TLL1: variants seen among roughly 807,000 people sequenced by gnomAD.
The protein encoded by TLL1 is tolloid like 1.
A neutral mutation model predicts 128.2 loss-of-function variants in TLL1; 49 were observed. The observed-to-expected ratio is 0.38, with a 90% CI of 0.30 to 0.48. The LOEUF (loss-of-function observed/expected upper bound fraction) is 0.48. Among genes scored for constraint, TLL1 ranks in the 20% least tolerant of loss-of-function variants. The probability of loss-of-function intolerance (pLI) is 0.96; values close to 1 mark genes in which losing one functional copy is unlikely to be tolerated. For synonymous variants in TLL1, 454 were observed against 418.8 expected (o/e 1.08, Z -1.03); for missense variants, 1,123 against 1,242.0 (o/e 0.90, Z 1.44).
chr4:165,912,260 G>A (rs1219381446), intron 1 of TLL1, among the ~76,000 whole-genome samples: 1 of 152,114 alleles, frequency 6.6e-6, no homozygotes, highest in Non-Finnish European at 1.5e-5. Flanking sequence ...TTTCCTGACT[G>A]CGTTCCTGGT....
At chr4:166,049,612 A>G (rs552280119) in intron 12 of TLL1, among the ~76,000 whole-genome samples, 2 of 148,880 alleles carry the variant, frequency 1.3e-5, no homozygotes, top group African/African-American at 5.0e-5. Flanking sequence ...TGCTTTTAAC[A>G]TGTTTGAACT....
chr4:166,088,597 C>G (rs888750327), intron 18 of TLL1, among the ~76,000 whole-genome samples: 5 of 152,002 alleles, frequency 3.3e-5, no homozygotes, highest in African/African-American at 1.2e-4. Context: ...GGCATTTGAC[C>G]TAACAAGTTG....
In TLL1 at chr4:166,030,792, T is replaced by C. The variant is rs962105135; in HGVS notation, c.1158+5361T>C. ...TGTTTCTGACTTCTATTATGGCTTA[T>C]TTTGGTCCTGCCTATAGCTTACATT... On this transcript the variant is annotated intron_variant, in intron 9 of 20. Coordinates refer to ENST00000061240, the MANE Select transcript of TLL1 (RefSeq NM_012464.5). 7 of 1,077,342 alleles carry C rather than the reference T, an allele frequency of 6.5e-6. No homozygotes were observed. In the African/African-American group the frequency reaches 6.6e-5, roughly 10 times the overall value. 66.7% of individuals were successfully genotyped at this position (1,077,342 alleles called of 1,614,324 possible).
Position 165,965,084 on chromosome 4 carries a change from T to C in TLL1, c.170-24297T>C, listed in dbSNP as rs547570879. Reference sequence around the variant, plus strand: ...TGTTGATTGATGTTATCTGGTTATGTTCAAATCATTTAGATTTCAAAAACT... The same window carrying C: ...TGTTGATTGATGTTATCTGGTTATGCTCAAATCATTTAGATTTCAAAAACT... On this transcript the variant is annotated intron_variant, in intron 1 of 20. Transcript: ENST00000061240. Among the ~76,000 whole-genome samples, 5 of 152,322 alleles carry C rather than the reference T, an allele frequency of 3.3e-5. 1 individual carries two copies. The South Asian group carries it at 1.0e-3, about 32-fold the overall frequency.
intron 18 of TLL1, 123 bp downstream of exon 18, chr4:166,078,153 T>A: frequency 6.9e-7 from 1 of 1,452,708 alleles, no homozygotes; most frequent in African/African-American, 1.4e-5. Context: ...GGAAAAGATT[T>A]TTTGTCTCAT....
chr4:166,023,760 A>T (rs1270141275), intron 8 of TLL1, among the ~76,000 whole-genome samples: 1 of 152,180 alleles, frequency 6.6e-6, no homozygotes, highest in African/African-American at 2.4e-5. Flanking sequence ...TTATCTTCTT[A>T]ATCAGAACAG....
At chr4:166,027,902 T>C (rs1373663239) in intron 9 of TLL1, among the ~76,000 whole-genome samples, 2 of 152,136 alleles carry the variant, frequency 1.3e-5, no homozygotes, top group Non-Finnish European at 2.9e-5. Context: ...TATGATTATC[T>C]ATAAAACTAT....
Position 166,003,425 on chromosome 4 carries a change from C to T in TLL1, c.667C>T (p.Pro223Ser). 2.5e-6 allele frequency: 4 copies of T among 1,614,042 alleles called. No homozygotes were observed. Among genetic ancestry groups the T allele is most frequent in the Admixed American group, 1.7e-5 (1 of 60,006 alleles). ...CTATGTAGGTCGGCGAGGAAATGGACCTCAGGCAATCTCTATCGGCAAGAA... is the reference window on the plus strand; with the variant it reads ...CTATGTAGGTCGGCGAGGAAATGGATCTCAGGCAATCTCTATCGGCAAGAA... ...CSYVGRRGNG[P>S]QAISIGKNCD... The change falls in exon 6 of 21, where the codon CCT becomes TCT. Residue 223 changes from proline (P) to serine (S), a missense_variant. Physicochemically the swap from Pro to Ser is moderately conservative, Grantham distance 74. Transcript: ENST00000061240.
At chr4:165,963,552 ATGT>A (rs1735221591) in intron 1 of TLL1, among the ~76,000 whole-genome samples, 1 of 152,294 alleles carries the variant, frequency 6.6e-6, no homozygotes. Flanking sequence ...TTGAACTTAA[ATGT>A]TGTAATTTTA....
intron 18 of TLL1, among the ~76,000 whole-genome samples, chr4:166,082,677 T>C (rs1405298027): frequency 6.6e-6 from 1 of 151,988 alleles, no homozygotes; most frequent in East Asian, 1.9e-4. Flanking sequence ...GTTTTTGTTT[T>C]GTTTCGTTTG....
intron 1 of TLL1, among the ~76,000 whole-genome samples, chr4:165,978,150 T>A (rs943144486): frequency 1.3e-5 from 2 of 152,152 alleles, no homozygotes; most frequent in Admixed American, 1.3e-4. Flanking sequence ...CAAGGCTTAT[T>A]TTACTCAGAT....
In TLL1 at chr4:166,042,259, A is replaced by T. The variant is rs1739271947; in HGVS notation, c.1378+116A>T. On this transcript the variant is annotated intron_variant, in intron 11 of 20. Transcript: ENST00000061240. ...TATTGTAAAATTATGAATTTTTCTG[A>T]ATCTGTATTATAATATTCATACAGA... The T allele has an allele frequency of 6.7e-6, 5 of 743,878 alleles. No individual in the cohort carries two copies. The East Asian group carries it at 1.2e-4, about 18-fold the overall frequency. The allele number at this position is 743,878 out of a possible 1,614,324, so 46.1% of individuals were successfully genotyped here. A position where few individuals can be genotyped will look rare whatever the true frequency, so the allele number is the denominator to read the frequency against.
chr4:165,962,039 TA>T (rs574816256), intron 1 of TLL1, among the ~76,000 whole-genome samples: 4 of 151,916 alleles, frequency 2.6e-5, no homozygotes, highest in East Asian at 1.9e-4. Context: ...GGCTATGTTC[TA>T]AAAAAAATTG....
intron 1 of TLL1, among the ~76,000 whole-genome samples, chr4:165,980,572 G>T (rs1385357896): frequency 6.6e-6 from 1 of 152,102 alleles, no homozygotes; most frequent in African/African-American, 2.4e-5. Flanking sequence ...AGCACCAAAT[G>T]TACAGAACTG....
At chr4:165,898,591 T>C (rs1218773585) in intron 1 of TLL1, among the ~76,000 whole-genome samples, 6 of 152,204 alleles carry the variant, frequency 3.9e-5, no homozygotes, top group Non-Finnish European at 7.3e-5. Flanking sequence ...CACTTGATCA[T>C]GGTGGATGAG....
At chr4:166,032,934 T>C (rs570612954) in intron 9 of TLL1, among the ~76,000 whole-genome samples, 60 of 152,222 alleles carry the variant, frequency 3.9e-4, no homozygotes, top group African/African-American at 1.1e-3. Context: ...CCTGAGAAAG[T>C]AGAAAATTTA....
rs762045076 is a variant in TLL1 at position 166,077,907 on chromosome 4, G to A, written c.2319G>A (p.Glu773=). The stretch of plus-strand genomic sequence containing the variant: ...ATATTATGGTTATTGGTGCAGCTGA[G>A]TGTGAACAGAAGATCCACAGTCCAA... The part of the protein sequence containing the change: ...HDNKHDCKEA[E]CEQKIHSPSG... The change falls in exon 18 of 21, where the codon GAG becomes GAA. Residue 773 remains glutamate, a synonymous_variant. Transcript: ENST00000061240. 1.4e-5 allele frequency: 23 copies of A among 1,613,518 alleles called. No individual in the cohort carries two copies. The South Asian group carries it at 2.4e-4, about 17-fold the overall frequency.
chr4:165,938,747 G>T (rs1733873765), intron 1 of TLL1, among the ~76,000 whole-genome samples: 1 of 150,316 alleles, frequency 6.7e-6, no homozygotes. Context: ...CCACTTTCTG[G>T]AACTTTCTGT....
At chr4:165,946,174 A>G (rs1734239432) in intron 1 of TLL1, among the ~76,000 whole-genome samples, 1 of 152,082 alleles carries the variant, frequency 6.6e-6, no homozygotes, top group South Asian at 2.1e-4. Flanking sequence ...TTCTGCCAAC[A>G]CTGAATGAGC....
Sources: allele counts gnomAD v4.1 joint callset (sites outside exome capture counted in the v4.1 genomes callset), GRCh38; gene constraint gnomAD v4.1.1; transcripts MANE v1.5; gene names NCBI Gene and HGNC (gene_info 2026-07-23, HGNC 2026-07-21).